Variants in ATXN7L1 observed in about 807,000 individuals in gnomAD.
The protein encoded by ATXN7L1 is ataxin 7 like 1.
A neutral mutation model predicts 70.8 loss-of-function variants in ATXN7L1; 15 were observed. That is an observed-to-expected ratio of 0.21 (90% CI 0.14 to 0.33). The LOEUF (loss-of-function observed/expected upper bound fraction) is 0.33. ATXN7L1 is among the 10% of genes least tolerant of loss of function. The pLI, the probability that ATXN7L1 is intolerant of heterozygous loss-of-function variation, is 1.00. For missense variants in ATXN7L1, 975 were observed against 1,097.1 expected (o/e 0.89, Z 1.57); for synonymous variants, 440 against 445.1 (o/e 0.99, Z 0.14).
Position 105,806,051 on chromosome 7 carries a change from C to T in ATXN7L1, c.251-17343G>A, listed in dbSNP as rs560642649. Among the ~76,000 whole-genome samples, 24 of 152,204 alleles carry T rather than the reference C, an allele frequency of 1.6e-4. No individual in the cohort carries two copies. The South Asian group carries it at 4.8e-3, about 30-fold the overall frequency. On this transcript the variant is annotated intron_variant, in intron 2 of 11. Coordinates refer to ENST00000419735, the MANE Select transcript of ATXN7L1 (RefSeq NM_020725.2). ...GCAGGGACAGAGAGGACGCAGGACC[C>T]AAGAGACATTTATTTGGAACTGACC... is the stretch of plus-strand genomic sequence containing the variant.
intron 3 of ATXN7L1, among the ~76,000 whole-genome samples, chr7:105,778,798 A>G (rs1398805015): frequency 1.3e-5 from 2 of 152,204 alleles, no homozygotes; most frequent in South Asian, 2.1e-4. Flanking sequence ...TCTCTTCTAC[A>G]AGCTTCCTTC....
At chr7:105,680,354 G>A (rs1259636148) in intron 3 of ATXN7L1, among the ~76,000 whole-genome samples, 15 of 152,216 alleles carry the variant, frequency 9.9e-5, no homozygotes, top group East Asian at 3.9e-4. Flanking sequence ...TGAGTCCCCC[G>A]TGGGAGAATT....
At chr7:105,812,098 C>G (rs1014780504) in intron 2 of ATXN7L1, among the ~76,000 whole-genome samples, 1 of 133,916 alleles carries the variant, frequency 7.5e-6, no homozygotes, top group Non-Finnish European at 1.6e-5. Flanking sequence ...CCTTCTCAAG[C>G]CCCCCTGGAT....
chr7:105,829,757 A>T (rs1386376744), intron 2 of ATXN7L1, among the ~76,000 whole-genome samples: 1 of 152,244 alleles, frequency 6.6e-6, no homozygotes, highest in Non-Finnish European at 1.5e-5. Flanking sequence ...CTTCCTTTTC[A>T]AACTGGCCAA....
intron 3 of ATXN7L1, among the ~76,000 whole-genome samples, chr7:105,680,968 G>A (rs1805470774): frequency 6.6e-6 from 1 of 152,136 alleles, no homozygotes; most frequent in African/African-American, 2.4e-5. Context: ...CCTATCTCAG[G>A]TGCCCGTGTA....
At chr7:105,835,150 T>TTTG (rs1491417976) in intron 2 of ATXN7L1, among the ~76,000 whole-genome samples, 2 of 4,100 alleles carry the variant, frequency 4.9e-4, no homozygotes, top group African/African-American at 4.5e-3. Context: ...AAGTGTGTGG[T>TTTG]TTTTTTTTTT....
intron 3 of ATXN7L1, among the ~76,000 whole-genome samples, chr7:105,708,236 T>C (rs1182073743): frequency 6.6e-6 from 1 of 152,154 alleles, no homozygotes; most frequent in Non-Finnish European, 1.5e-5. Flanking sequence ...CAGAACCTCA[T>C]GCAAGTTACT....
chr7:105,792,604 G>A (rs1161558046), intron 2 of ATXN7L1, among the ~76,000 whole-genome samples: 4 of 152,148 alleles, frequency 2.6e-5, no homozygotes, highest in Admixed American at 2.6e-4. Flanking sequence ...CAAAACGTTC[G>A]GTGCACAGTT....
intron 3 of ATXN7L1, among the ~76,000 whole-genome samples, chr7:105,777,582 C>T (rs1176271391): frequency 1.3e-5 from 2 of 152,214 alleles, no homozygotes; most frequent in African/African-American, 4.8e-5. Context: ...CCAATCTAAT[C>T]CAATCCATTC....
chr7:105,803,377 C>T (rs1189611506), intron 2 of ATXN7L1, among the ~76,000 whole-genome samples: 1 of 152,244 alleles, frequency 6.6e-6, no homozygotes, highest in Admixed American at 6.5e-5. Flanking sequence ...AGTCAGTGCT[C>T]CCCTGCTGGC....
intron 2 of ATXN7L1, among the ~76,000 whole-genome samples, chr7:105,842,070 G>A (rs767802618): frequency 6.6e-6 from 1 of 152,130 alleles, no homozygotes; most frequent in Non-Finnish European, 1.5e-5. Context: ...TACTCTTCAT[G>A]CCACGTCAAG....
chr7:105,717,341 T>TCGG (rs1794692119), intron 3 of ATXN7L1, among the ~76,000 whole-genome samples: 1 of 152,162 alleles, frequency 6.6e-6, no homozygotes, highest in Non-Finnish European at 1.5e-5. Flanking sequence ...TTAGTCAGGC[T>TCGG]GGTCTTGAAC....
intron 3 of ATXN7L1, among the ~76,000 whole-genome samples, chr7:105,696,437 CAT>C (rs918747350): frequency 2.6e-5 from 4 of 152,182 alleles, no homozygotes; most frequent in Non-Finnish European, 4.4e-5. Flanking sequence ...TTCCACGTAA[CAT>C]GTGACTTCTT....
At chr7:105,738,911 C>T (rs1563053956) in intron 3 of ATXN7L1, among the ~76,000 whole-genome samples, 1 of 152,152 alleles carries the variant, frequency 6.6e-6, no homozygotes, top group African/African-American at 2.4e-5. Flanking sequence ...GCTTAGTAAA[C>T]ATTGTAGAGA....
chr7:105,716,359 T>A (rs1794546338), intron 3 of ATXN7L1, among the ~76,000 whole-genome samples: 1 of 152,102 alleles, frequency 6.6e-6, no homozygotes, highest in African/African-American at 2.4e-5. Flanking sequence ...TGAGCAGACC[T>A]CATCTTCTCA....
intron 7 of ATXN7L1, among the ~76,000 whole-genome samples, chr7:105,632,881 A>ACTGCACTC (rs1419453858): frequency 2.1e-5 from 3 of 139,724 alleles, no homozygotes; most frequent in Non-Finnish European, 4.5e-5. Flanking sequence ...TGATTGTACC[A>ACTGCACTC]CTGCACTCCA....
intron 3 of ATXN7L1, among the ~76,000 whole-genome samples, chr7:105,680,419 G>T (rs1043392373): frequency 2.0e-5 from 3 of 152,184 alleles, no homozygotes; most frequent in African/African-American, 4.8e-5. Flanking sequence ...TTCCCCTCTT[G>T]TTGAGAGAGT....
At chr7:105,702,118 A>G (rs1235231073) in intron 3 of ATXN7L1, among the ~76,000 whole-genome samples, 1 of 152,218 alleles carries the variant, frequency 6.6e-6, no homozygotes, top group Non-Finnish European at 1.5e-5. Flanking sequence ...TAGTTTAAAG[A>G]TGGGAATGAT....
intron 2 of ATXN7L1, among the ~76,000 whole-genome samples, chr7:105,859,083 G>A (rs1816167567): frequency 6.6e-6 from 1 of 151,998 alleles, no homozygotes; most frequent in Non-Finnish European, 1.5e-5. Context: ...TTTTGAACGA[G>A]AACTGGGTAT....
Sources: allele counts gnomAD v4.1 joint callset (sites outside exome capture counted in the v4.1 genomes callset), GRCh38; gene constraint gnomAD v4.1.1; transcripts MANE v1.5; gene names NCBI Gene and HGNC (gene_info 2026-07-23, HGNC 2026-07-21).